The following NTRK3 variants were observed in gnomAD, a reference collection of about 807,000 sequenced individuals.
NTRK3 encodes the protein NT-3 growth factor receptor.
In NTRK3, 24 loss-of-function variants were observed where a neutral mutation model predicts 91.7. That is an observed-to-expected ratio of 0.26 (90% CI 0.19 to 0.37). The LOEUF (loss-of-function observed/expected upper bound fraction) is 0.37. Among genes scored for constraint, NTRK3 ranks in the 10% least tolerant of loss-of-function variants. NTRK3 has a pLI of 1.00. For missense variants in NTRK3, 880 were observed against 1,068.9 expected (o/e 0.82, Z 2.46); for synonymous variants, 483 against 404.0 (o/e 1.20, Z -2.34).
intron 14 of NTRK3, among the ~76,000 whole-genome samples, chr15:88,024,133 G>A: frequency 6.6e-6 from 1 of 152,190 alleles, no homozygotes. Context: ...TCCTCTTCCA[G>A]AAAAAGCAAG....
chr15:87,891,124 G>A (rs1300751767), intron 17 of NTRK3, among the ~76,000 whole-genome samples: 1 of 150,366 alleles, frequency 6.7e-6, no homozygotes, highest in Admixed American at 6.6e-5. Context: ...GTATATTAGA[G>A]AGAGTTTCAA....
intron 10 of NTRK3, among the ~76,000 whole-genome samples, chr15:88,133,149 G>A (rs2041534759): frequency 6.6e-6 from 1 of 152,142 alleles, no homozygotes; most frequent in Non-Finnish European, 1.5e-5. Context: ...ATGGACCAAA[G>A]GTCACTTTTG....
chr15:88,250,088 G>C (rs2053202056), intron 3 of NTRK3, among the ~76,000 whole-genome samples: 1 of 152,298 alleles, frequency 6.6e-6, no homozygotes, highest in South Asian at 2.1e-4. Flanking sequence ...TTTCTCTGGG[G>C]CCGTAAGTAT....
At chr15:88,217,117 CA>C (rs1413867891) in intron 3 of NTRK3, among the ~76,000 whole-genome samples, 7 of 152,020 alleles carry the variant, frequency 4.6e-5, no homozygotes, top group Non-Finnish European at 1.0e-4. Context: ...CAAAAAATAA[CA>C]AGAGTTGGTG....
In NTRK3 at chr15:88,032,841, C is replaced by T. The variant is rs747821731; in HGVS notation, c.1585+16G>A. ...TCCCCTCCCCAGGAGGGAGAGCATTCCATCCCAGTACTTACACGTGTCCGG... is the reference window on the plus strand; with the variant it reads ...TCCCCTCCCCAGGAGGGAGAGCATTTCATCCCAGTACTTACACGTGTCCGG... On this transcript the variant is annotated intron_variant, in intron 14 of 18. Coordinates refer to ENST00000394480, the Ensembl canonical transcript of NTRK3. 1 of 1,613,518 alleles carries T rather than the reference C, an allele frequency of 6.2e-7. No homozygotes were observed. The highest frequency in any genetic ancestry group is 8.5e-7 in the Non-Finnish European group (1 of 1,179,722).
At chr15:88,019,070 A>T (rs1395155891) in intron 14 of NTRK3, among the ~76,000 whole-genome samples, 3 of 152,120 alleles carry the variant, frequency 2.0e-5, no homozygotes, top group Non-Finnish European at 4.4e-5. Context: ...GAAATGTTTC[A>T]TCACCCAGGC....
rs368307747 is a variant in NTRK3 at position 88,233,989 on chromosome 15, T to C, written c.248+21917A>G. On this transcript the variant is annotated intron_variant, in intron 3 of 18. Transcript: ENST00000394480. This position sits in a 1 kb window ranked among gnomAD's most constrained non-coding sequence, Gnocchi z 4.2. ...TTAATTAAATCTCCGAATAAACAAA[T>C]ATATTTTAGCAAGTGCCATTCCTGA... Among the ~76,000 whole-genome samples, 1 of 152,202 alleles carries C rather than the reference T, an allele frequency of 6.6e-6. No individual in the cohort carries two copies. Among genetic ancestry groups the C allele is most frequent in the Non-Finnish European group, 1.5e-5 (1 of 68,034 alleles).
chr15:88,157,392 G>A (rs2044012041), intron 5 of NTRK3, among the ~76,000 whole-genome samples: 1 of 151,946 alleles, frequency 6.6e-6, no homozygotes, highest in Non-Finnish European at 1.5e-5. Context: ...TGCCTCTCAA[G>A]GACATTTGGG....
chr15:88,104,257 G>C (rs78061192), intron 13 of NTRK3, among the ~76,000 whole-genome samples: 8 of 152,330 alleles, frequency 5.3e-5, no homozygotes, highest in African/African-American at 1.7e-4. Flanking sequence ...TAGAACTGTT[G>C]CATGAGATTC....
chr15:88,131,376 G>A (rs2041327961), intron 10 of NTRK3, among the ~76,000 whole-genome samples: 1 of 152,204 alleles, frequency 6.6e-6, no homozygotes, highest in Non-Finnish European at 1.5e-5. Flanking sequence ...CTGTGATGGA[G>A]TCCTTCAAAG....
chr15:87,975,712 A>T (rs999191582), intron 14 of NTRK3, among the ~76,000 whole-genome samples: 3 of 152,286 alleles, frequency 2.0e-5, no homozygotes, highest in African/African-American at 7.2e-5. Context: ...CTCCAATCGC[A>T]GCTGGTTCCT....
At chr15:88,166,069 A>G (rs969346991) in intron 5 of NTRK3, among the ~76,000 whole-genome samples, 4 of 152,204 alleles carry the variant, frequency 2.6e-5, no homozygotes, top group Admixed American at 6.5e-5. Flanking sequence ...CCTGTGAGAA[A>G]GCACATGACA....
At chr15:87,894,653 G>GATC (rs1433226489) in intron 17 of NTRK3, among the ~76,000 whole-genome samples, 3 of 152,176 alleles carry the variant, frequency 2.0e-5, no homozygotes, top group Non-Finnish European at 4.4e-5. Flanking sequence ...TAGTTAATCA[G>GATC]AATGATATAG....
chr15:87,963,464 T>G (rs1016525530), intron 14 of NTRK3, among the ~76,000 whole-genome samples: 5 of 152,222 alleles, frequency 3.3e-5, no homozygotes, highest in Admixed American at 1.3e-4. Context: ...AGTCCCCCAC[T>G]GAACGATGGT....
chr15:88,086,930 T>C (rs1475347337), intron 13 of NTRK3, among the ~76,000 whole-genome samples: 2 of 152,204 alleles, frequency 1.3e-5, no homozygotes, highest in South Asian at 2.1e-4. Flanking sequence ...ATGGCCTCCT[T>C]CTAGGCTCTG....
At chr15:88,198,469 A>T (rs12441134) in intron 3 of NTRK3, among the ~76,000 whole-genome samples, 8 of 152,206 alleles carry the variant, frequency 5.3e-5, no homozygotes, top group Admixed American at 5.2e-4. Flanking sequence ...TAAGCTTTTA[A>T]CAAACCATCG....
intron 3 of NTRK3, among the ~76,000 whole-genome samples, chr15:88,231,136 T>C (rs2051146070): frequency 6.6e-6 from 1 of 152,208 alleles, no homozygotes; most frequent in Non-Finnish European, 1.5e-5. Flanking sequence ...TCCAAACAGA[T>C]GTCACAGACC....
intron 3 of NTRK3, among the ~76,000 whole-genome samples, chr15:88,244,741 A>T (rs1206577420): frequency 6.6e-6 from 1 of 152,246 alleles, no homozygotes; most frequent in African/African-American, 2.4e-5. Context: ...ATTTTAGGTC[A>T]TCCTATCCCA....
chr15:88,206,939 G>A (rs562498911), intron 3 of NTRK3, among the ~76,000 whole-genome samples: 2 of 152,292 alleles, frequency 1.3e-5, no homozygotes, highest in Admixed American at 1.3e-4. Context: ...CAAGTCTCAG[G>A]GGAAATGTGC....
Sources: gnomAD v4.1 joint callset for allele counts (sites outside exome capture counted in the v4.1 genomes callset) on GRCh38, gnomAD v4.1.1 for gene constraint, Gnocchi (gnomAD v3.1) non-coding constraint, MANE v1.5 for transcripts, NCBI Gene and HGNC (gene_info 2026-07-23, HGNC 2026-07-21) for gene names.